Variants in PDE11A observed in about 807,000 individuals in gnomAD.
PDE11A encodes phosphodiesterase 11A.
PDE11A carries 100 observed loss-of-function variants against 100.5 expected under a neutral mutation model. The observed-to-expected ratio is 1.00, with a 90% CI of 0.85 to 1.18. The LOEUF (loss-of-function observed/expected upper bound fraction) is 1.18. PDE11A is among the 50% of genes most tolerant of loss of function. The probability of loss-of-function intolerance (pLI) is 0.00; values close to 1 mark genes in which losing one functional copy is unlikely to be tolerated. For missense variants in PDE11A, 1,141 were observed against 1,152.6 expected (o/e 0.99, Z 0.15); for synonymous variants, 381 against 420.8 (o/e 0.91, Z 1.16).
intron 2 of PDE11A, among the ~76,000 whole-genome samples, chr2:177,958,837 C>T (rs760086668): frequency 7.2e-5 from 11 of 152,190 alleles, no homozygotes; most frequent in Admixed American, 2.6e-4. Context: ...AGGTTTGTCT[C>T]CTTAAATTTA....
chr2:177,659,599 C>T (rs1342498151), intron 19 of PDE11A, among the ~76,000 whole-genome samples: 2 of 152,168 alleles, frequency 1.3e-5, no homozygotes, highest in Non-Finnish European at 2.9e-5. Context: ...CTCTGCACCA[C>T]TGACATTCTA....
intron 13 of PDE11A, among the ~76,000 whole-genome samples, chr2:177,709,276 A>T (rs1424015866): frequency 6.6e-6 from 1 of 152,210 alleles, no homozygotes; most frequent in Non-Finnish European, 1.5e-5. Context: ...TAGAAAGATT[A>T]TTCTGGAGTG....
In PDE11A at chr2:177,820,229, G is replaced by T. The variant is rs2083116476; in HGVS notation, c.1567C>A (p.Gln523Lys). ...TTAGGTCATCTCTTACCAATTATTT[G>T]GTGGTTGCTATTCCAAATAGGGACA... ...LCVPIWNSNHQIIGVAQVLNR... is the reference protein window; with the variant it reads ...LCVPIWNSNHKIIGVAQVLNR... Residue 523 changes from glutamine (Q) to lysine (K), a missense_variant, in exon 7 of 20, where the codon CAA (glutamine) becomes AAA (lysine). By Grantham distance (53) the Gln-to-Lys change is moderately conservative. Coordinates refer to ENST00000286063, the MANE Select transcript of PDE11A (RefSeq NM_016953.4). 1 of 1,532,402 alleles carries T rather than the reference G, an allele frequency of 6.5e-7. No individual in the cohort carries two copies. The highest frequency in any genetic ancestry group is 9.0e-7 in the Non-Finnish European group (1 of 1,106,092). 94.9% of individuals were successfully genotyped at this position (1,532,402 alleles called of 1,614,324 possible). A position where few individuals can be genotyped will look rare whatever the true frequency, so the allele number is the denominator to read the frequency against.
rs1429798622 is a variant in PDE11A at position 178,079,991 on chromosome 2, GT to G, written c.162+24310del. On this transcript the variant is annotated intron_variant, in intron 2 of 20. Transcript: ENST00000358450. The stretch of plus-strand genomic sequence containing the variant: ...TGTCCTTTGTCCATTTTTTAATGGG[GT>G]TGCTTTTTTCTTGTAAATTTCTTTA... Among the ~76,000 whole-genome samples the G allele has an allele frequency of 2.6e-5, 4 of 152,038 alleles. No individual in the cohort carries two copies. In the South Asian group the frequency reaches 6.2e-4, roughly 24 times the overall value.
At chr2:177,750,011 T>C (rs1310212601) in intron 10 of PDE11A, among the ~76,000 whole-genome samples, 1 of 152,226 alleles carries the variant, frequency 6.6e-6, no homozygotes, top group African/African-American at 2.4e-5. Flanking sequence ...CAGCTGCACA[T>C]AAGAAACCTT....
intron 9 of PDE11A, among the ~76,000 whole-genome samples, chr2:177,794,116 C>T (rs1386717832): frequency 6.6e-6 from 1 of 151,100 alleles, no homozygotes; most frequent in Non-Finnish European, 1.5e-5. Flanking sequence ...ATGATGAGTG[C>T]TATGGAGAAA....
At chr2:177,750,128 A>G (rs2082006559) in intron 10 of PDE11A, among the ~76,000 whole-genome samples, 1 of 152,266 alleles carries the variant, frequency 6.6e-6, no homozygotes. Flanking sequence ...GCTCAATATC[A>G]TTGTCAGTTC....
chr2:178,097,182 G>C (rs190806248), intron 2 of PDE11A, among the ~76,000 whole-genome samples: 1 of 152,118 alleles, frequency 6.6e-6, no homozygotes, highest in Non-Finnish European at 1.5e-5. Flanking sequence ...CACCGTGCTC[G>C]GCCATCTCTT....
At chr2:177,771,538 T>C (rs2082310073) in intron 9 of PDE11A, among the ~76,000 whole-genome samples, 1 of 152,084 alleles carries the variant, frequency 6.6e-6, no homozygotes, top group Admixed American at 6.5e-5. Context: ...TAAGGTGGTA[T>C]AACATAATAC....
At chr2:177,946,856 C>G (rs1327194418) in intron 2 of PDE11A, among the ~76,000 whole-genome samples, 1 of 73,342 alleles carries the variant, frequency 1.4e-5, no homozygotes, top group Non-Finnish European at 2.8e-5. Flanking sequence ...CCCCCCTGCC[C>G]GGCCAGCCGC....
intron 10 of PDE11A, among the ~76,000 whole-genome samples, chr2:177,732,980 G>C (rs2081715817): frequency 6.6e-6 from 1 of 152,228 alleles, no homozygotes; most frequent in South Asian, 2.1e-4. Flanking sequence ...GTAACAGGCA[G>C]TATGTATCCT....
chr2:177,837,816 A>G (rs2083429573), intron 6 of PDE11A, among the ~76,000 whole-genome samples: 1 of 152,236 alleles, frequency 6.6e-6, no homozygotes, highest in East Asian at 1.9e-4. Flanking sequence ...CTTTTGGTAA[A>G]GTTCAAAAGC....
At chr2:178,106,025 G>C (rs2087613488) in intron 1 of PDE11A, among the ~76,000 whole-genome samples, 1 of 152,178 alleles carries the variant, frequency 6.6e-6, no homozygotes, top group Non-Finnish European at 1.5e-5. Flanking sequence ...AATTCTTTGA[G>C]AGTAGAGTCC....
chr2:177,657,767 C>A (rs966715844), intron 19 of PDE11A, among the ~76,000 whole-genome samples: 1 of 152,100 alleles, frequency 6.6e-6, no homozygotes, highest in Non-Finnish European at 1.5e-5. Context: ...GCTTTTATTT[C>A]AAATTTCAGA....
At chr2:178,041,382 T>C (rs2086680733) in intron 1 of PDE11A, among the ~76,000 whole-genome samples, 2 of 151,960 alleles carry the variant, frequency 1.3e-5, no homozygotes. Flanking sequence ...TAGCTGGGAC[T>C]ACAGGCATGC....
At chr2:177,956,166 A>G (rs1468285109) in intron 2 of PDE11A, among the ~76,000 whole-genome samples, 3 of 152,192 alleles carry the variant, frequency 2.0e-5, no homozygotes, top group African/African-American at 4.8e-5. Flanking sequence ...CTCATCTGAC[A>G]AAGGGCTAAT....
chr2:177,699,986 T>A (rs1191287374), intron 14 of PDE11A, among the ~76,000 whole-genome samples: 1 of 152,196 alleles, frequency 6.6e-6, no homozygotes, highest in African/African-American at 2.4e-5. Flanking sequence ...CTCATCACCT[T>A]TACCAACACA....
At chr2:178,035,106 T>C (rs2086595258) in intron 1 of PDE11A, among the ~76,000 whole-genome samples, 1 of 150,484 alleles carries the variant, frequency 6.6e-6, no homozygotes, top group South Asian at 2.1e-4. Flanking sequence ...TTTTTAAACA[T>C]TAACAAAATA....
At chr2:177,867,712 C>T (rs767091392) in intron 5 of PDE11A, among the ~76,000 whole-genome samples, 6 of 151,964 alleles carry the variant, frequency 3.9e-5, no homozygotes, top group Admixed American at 2.6e-4. Context: ...GGTGACAGAG[C>T]GAGACTCCGT....
Sources: allele counts gnomAD v4.1 joint callset (sites outside exome capture counted in the v4.1 genomes callset), GRCh38; gene constraint gnomAD v4.1.1; transcripts MANE v1.5; gene names NCBI Gene and HGNC (gene_info 2026-07-23, HGNC 2026-07-21).